IL1RAPL1: variants seen among roughly 807,000 people sequenced by gnomAD.
IL1RAPL1 encodes the protein interleukin 1 receptor accessory protein like 1.
IL1RAPL1 carries 3 observed loss-of-function variants against 48.4 expected under a neutral mutation model. The observed-to-expected ratio is 0.06, with a 90% CI of 0.03 to 0.16. The LOEUF is 0.16. Among genes scored for constraint, IL1RAPL1 ranks in the 10% least tolerant of loss-of-function variants. IL1RAPL1 has a pLI of 1.00. For missense variants in IL1RAPL1, 349 were observed against 530.6 expected (o/e 0.66, Z 3.36); for synonymous variants, 185 against 187.7 (o/e 0.99, Z 0.12).
intron 2 of IL1RAPL1, among the ~76,000 whole-genome samples, chrX:28,927,957 C>A (rs1330223702): frequency 9.0e-6 from 1 of 110,760 alleles, no homozygotes; most frequent in Admixed American, 9.7e-5. Flanking sequence ...ATATTTAATT[C>A]TAACTTATCT....
chrX:29,485,793 A>AC (rs767326511), intron 5 of IL1RAPL1, among the ~76,000 whole-genome samples: 7 of 111,592 alleles, frequency 6.3e-5, no homozygotes. Flanking sequence ...ATGTCATCAC[A>AC]CTTCTTTGAA....
At chrX:29,086,539 T>A (rs938798525) in intron 2 of IL1RAPL1, among the ~76,000 whole-genome samples, 3 of 112,074 alleles carry the variant, frequency 2.7e-5, no homozygotes, top group Non-Finnish European at 3.8e-5. Flanking sequence ...TCTTTCTCCC[T>A]TTTATCTGCA....
chrX:29,934,108 A>C (rs1045427114), intron 8 of IL1RAPL1, among the ~76,000 whole-genome samples: 1 of 111,764 alleles, frequency 8.9e-6, no homozygotes, highest in Non-Finnish European at 1.9e-5. Context: ...TTAGTTGGAA[A>C]AGTTATATTG....
chrX:28,758,270 A>G (rs997332220), intron 1 of IL1RAPL1, among the ~76,000 whole-genome samples: 3 of 111,794 alleles, frequency 2.7e-5, no homozygotes, highest in African/African-American at 9.8e-5. Context: ...GACAAGGGGA[A>G]TAAAAGCAAG....
intron 2 of IL1RAPL1, among the ~76,000 whole-genome samples, chrX:28,812,642 C>G (rs907104942): frequency 1.8e-5 from 2 of 110,723 alleles, no homozygotes; most frequent in Non-Finnish European, 3.8e-5. Flanking sequence ...TGCACATAAG[C>G]TAATATAGTT....
At chrX:29,203,027 A>G (rs1352465144) in intron 2 of IL1RAPL1, among the ~76,000 whole-genome samples, 1 of 111,938 alleles carries the variant, frequency 8.9e-6, no homozygotes. Context: ...AAAACAAAAA[A>G]TTGTCAAGAC....
rs183973369 is a variant in IL1RAPL1, at chrX:29,784,784, C to T, written c.778+116280C>T. Among the ~76,000 whole-genome samples the T allele has an allele frequency of 3.6e-5, 4 of 111,113 alleles. No individual in the cohort carries two copies. In the East Asian group the frequency reaches 1.1e-3, roughly 31 times the overall value. ...TCTTCCCTACATGTGCTCTATTCAT[C>T]GTATCCATTTTAAAAGCAAATGAAC... is the stretch of plus-strand genomic sequence containing the variant. On this transcript the variant is annotated intron_variant, in intron 6 of 10. Transcript: ENST00000378993.
chrX:28,997,682 C>T (rs1476243282), intron 2 of IL1RAPL1, among the ~76,000 whole-genome samples: 1 of 111,235 alleles, frequency 9.0e-6, no homozygotes, highest in East Asian at 2.8e-4. Flanking sequence ...TTAAGATAAA[C>T]AGGAAATGAT....
intron 6 of IL1RAPL1, among the ~76,000 whole-genome samples, chrX:29,871,914 T>C (rs1458766892): frequency 9.0e-6 from 1 of 110,694 alleles, no homozygotes; most frequent in African/African-American, 3.3e-5. Flanking sequence ...AGTAGAGATG[T>C]GGTTTCGCCA....
chrX:28,802,502 A>G (rs902514586), intron 2 of IL1RAPL1, among the ~76,000 whole-genome samples: 8 of 112,462 alleles, frequency 7.1e-5, no homozygotes, highest in African/African-American at 2.6e-4. Flanking sequence ...TTCAATTGTC[A>G]TTTATGTTTT....
At chrX:29,279,191 C>T (rs921292523) in intron 2 of IL1RAPL1, among the ~76,000 whole-genome samples, 2 of 112,168 alleles carry the variant, frequency 1.8e-5, no homozygotes, top group African/African-American at 6.5e-5. Flanking sequence ...GTAATCCCAG[C>T]ACTTTGGGAG....
intron 2 of IL1RAPL1, among the ~76,000 whole-genome samples, chrX:29,187,366 G>A (rs1313443657): frequency 1.8e-5 from 2 of 111,230 alleles, no homozygotes; most frequent in African/African-American, 6.6e-5. Flanking sequence ...ATGAATACTG[G>A]CACAAAAGAC....
At chrX:29,443,028 A>G (rs1934566699) in intron 5 of IL1RAPL1, among the ~76,000 whole-genome samples, 3 of 111,064 alleles carry the variant, frequency 2.7e-5, no homozygotes, top group Non-Finnish European at 5.7e-5. Context: ...CTAGTTGACT[A>G]TTTTCATTGT....
At chrX:28,879,769 T>A (rs1226306345) in intron 2 of IL1RAPL1, among the ~76,000 whole-genome samples, 1 of 112,073 alleles carries the variant, frequency 8.9e-6, no homozygotes, top group Non-Finnish European at 1.9e-5. Context: ...TCAAGAAAAA[T>A]GCACTCAACT....
chrX:28,674,517 T>TTATC (rs1345599206), intron 1 of IL1RAPL1, among the ~76,000 whole-genome samples: 3 of 111,989 alleles, frequency 2.7e-5, no homozygotes, highest in Non-Finnish European at 5.6e-5. Flanking sequence ...ATTATTTTCA[T>TTATC]TATCTAAGTT....
At chrX:28,892,527 T>C (rs749937499) in intron 2 of IL1RAPL1, among the ~76,000 whole-genome samples, 1 of 111,472 alleles carries the variant, frequency 9.0e-6, no homozygotes, top group South Asian at 3.8e-4. Context: ...TGTATATGTG[T>C]AGGTCACAGG....
At chrX:29,545,185 A>G (rs1453667953) in intron 5 of IL1RAPL1, among the ~76,000 whole-genome samples, 1 of 19,327 alleles carries the variant, frequency 5.2e-5, no homozygotes, top group Non-Finnish European at 9.1e-5. Context: ...AATCCTATCT[A>G]TCTATCTATC....
chrX:29,070,286 G>C (rs546643281), intron 2 of IL1RAPL1, among the ~76,000 whole-genome samples: 2 of 111,393 alleles, frequency 1.8e-5, no homozygotes, highest in Admixed American at 9.6e-5. Context: ...GATTCTATTC[G>C]CTAGCTTATG....
chrX:29,234,273 GTTAT>G (rs71975861), intron 2 of IL1RAPL1, among the ~76,000 whole-genome samples: 29,305 of 110,746 alleles, frequency 0.26, 5,800 homozygotes, highest in African/African-American at 0.68. Context: ...TAAATTTGTG[GTTAT>G]TTGTTATGCA....
Sources: gnomAD v4.1 joint callset for allele counts (sites outside exome capture counted in the v4.1 genomes callset) on GRCh38, gnomAD v4.1.1 for gene constraint, MANE v1.5 for transcripts, NCBI Gene and HGNC (gene_info 2026-07-23, HGNC 2026-07-21) for gene names.